Variants in CDH17 observed in about 807,000 individuals in gnomAD.
CDH17 encodes the protein cadherin 17.
In CDH17, 67 loss-of-function variants were observed where a neutral mutation model predicts 86.3. The observed-to-expected ratio is 0.78, with a 90% confidence interval of 0.64 to 0.95. CDH17 has a LOEUF of 0.95. Among genes scored for constraint, CDH17 ranks in the 40% least tolerant of loss-of-function variants. CDH17 has a pLI of 0.00. For missense variants in CDH17, 993 were observed against 1,017.6 expected (o/e 0.98, Z 0.33); for synonymous variants, 367 against 366.4 (o/e 1.00, Z -0.02).
intron 12 of CDH17, among the ~76,000 whole-genome samples, chr8:94,153,057 A>AC (rs1586245467): frequency 6.6e-6 from 1 of 152,238 alleles, no homozygotes; most frequent in East Asian, 1.9e-4. Context: ...AGAAGCTTCT[A>AC]CATAGCAAAG....
intron 2 of CDH17, 52 bp downstream of exon 2, chr8:94,194,583 T>G (rs867079648): frequency 1.7e-6 from 2 of 1,209,372 alleles, no homozygotes; most frequent in South Asian, 1.3e-5. Context: ...GGTAGAAAGA[T>G]AGCAGAAAAT....
At chr8:94,170,606 G>T in intron 8 of CDH17, 59 bp from the exon 9 acceptor site, 1 of 1,552,990 alleles carries the variant, frequency 6.4e-7, no homozygotes. Flanking sequence ...GTCAAAAGCA[G>T]AGAAAATCGT....
intron 1 of CDH17, among the ~76,000 whole-genome samples, chr8:94,197,723 T>A (rs1474381609): frequency 6.6e-6 from 1 of 151,294 alleles, no homozygotes; most frequent in Non-Finnish European, 1.5e-5. Flanking sequence ...CCCAGCTACT[T>A]GGGAGGCTGA....
At chr8:94,169,655 T>C (rs1054873378) in intron 9 of CDH17, among the ~76,000 whole-genome samples, 3 of 152,118 alleles carry the variant, frequency 2.0e-5, no homozygotes, top group Non-Finnish European at 4.4e-5. Context: ...AACAAAACAG[T>C]TCAAGAAATG....
At chr8:94,211,514 T>G (rs1000150846), upstream of CDH17, among the ~76,000 whole-genome samples, 5 of 152,138 alleles carry the variant, frequency 3.3e-5, no homozygotes, top group Non-Finnish European at 7.4e-5. Flanking sequence ...GGTTTAACCA[T>G]GTTGGCCAGT....
rs79278977 is a variant in CDH17, at chr8:94,215,352, C to T, written c.-21+1846G>A. Among the ~76,000 whole-genome samples the T allele has an allele frequency of 9.7e-3, 1,478 of 152,104 alleles. 10 individuals are homozygous for T. Among genetic ancestry groups the T allele is most frequent in the Non-Finnish European group, 0.016 (1,079 of 67,998 alleles). On this transcript the variant is annotated intron_variant, in intron 1 of 17. Transcript: ENST00000450165. ...GAAATACTGATACTACAAGACTAAA[C>T]CTTGAAAACATTATGCTTAGTGAAA...
intron 1 of CDH17, among the ~76,000 whole-genome samples, chr8:94,216,563 GTTTT>G (rs368207788): frequency 7.0e-6 from 1 of 142,028 alleles, no homozygotes; most frequent in Non-Finnish European, 1.5e-5. Flanking sequence ...CAGAGGGTTT[GTTTT>G]TTTTTTTTTT....
At position 94,162,170 on chromosome 8, in the gene CDH17, C is replaced by T; in HGVS notation, c.1283-8G>A. The T allele has an allele frequency of 1.3e-6, 2 of 1,575,562 alleles. No homozygotes were observed. The highest frequency in any genetic ancestry group is 2.2e-5 in the East Asian group (1 of 44,582). On this transcript the variant is annotated splice_polypyrimidine_tract_variant and splice_region_variant and intron_variant, in intron 10 of 17. Coordinates refer to ENST00000027335, the MANE Select transcript of CDH17 (RefSeq NM_004063.4). ...AACAAAGGGTCTTGAAATCTGAAAA[C>T]CAAAGTCATATGTCATAGAAATTTT...
intron 1 of CDH17, among the ~76,000 whole-genome samples, chr8:94,199,438 C>G (rs1320655221): frequency 6.6e-6 from 1 of 150,750 alleles, no homozygotes; most frequent in Non-Finnish European, 1.5e-5. Context: ...ACTGGTCGAA[C>G]TAGATCATCT....
At chr8:94,204,299 G>A (rs934635894) in intron 1 of CDH17, among the ~76,000 whole-genome samples, 16 of 151,870 alleles carry the variant, frequency 1.1e-4, no homozygotes, top group Admixed American at 5.3e-4. Flanking sequence ...CTCTCCCTCC[G>A]CTTGCCTCCC....
chr8:94,143,258 A>T (rs1407635848), intron 15 of CDH17, among the ~76,000 whole-genome samples: 2 of 152,198 alleles, frequency 1.3e-5, no homozygotes, highest in African/African-American at 4.8e-5. Flanking sequence ...TGCATTGTCA[A>T]TGAGCAGTAA....
At chr8:94,143,785 T>C (rs1273325256) in intron 15 of CDH17, among the ~76,000 whole-genome samples, 1 of 152,260 alleles carries the variant, frequency 6.6e-6, no homozygotes, top group Non-Finnish European at 1.5e-5. Context: ...TGTCAGCCTT[T>C]ACAGAATTGA....
intron 3 of CDH17, 22 bp downstream of exon 3, chr8:94,189,165 A>G: frequency 6.6e-7 from 1 of 1,523,696 alleles, no homozygotes. Flanking sequence ...TCAAGAGGAC[A>G]GTGATCAAGG....
chr8:94,189,360 C>A, intron 2 of CDH17, 75 bp from the exon 3 acceptor site: 2 of 1,005,438 alleles, frequency 2.0e-6, no homozygotes, highest in Non-Finnish European at 3.0e-6. Context: ...TTAGGGCTTC[C>A]AGCACCAATA....
intron 2 of CDH17, 107 bp downstream of exon 2, chr8:94,194,528 G>T (rs1053278206): frequency 2.6e-5 from 20 of 757,516 alleles, no homozygotes; most frequent in African/African-American, 2.0e-4. Flanking sequence ...ATTTTGATAG[G>T]TCATCTTTTT....
At chr8:94,152,749 C>T (rs1179200076) in intron 12 of CDH17, among the ~76,000 whole-genome samples, 1 of 152,144 alleles carries the variant, frequency 6.6e-6, no homozygotes, top group African/African-American at 2.4e-5. Context: ...AGCCTAAGAA[C>T]ATGGCACCAG....
intron 1 of CDH17, among the ~76,000 whole-genome samples, chr8:94,195,947 A>T (rs1184312399): frequency 6.6e-6 from 1 of 151,672 alleles, no homozygotes; most frequent in Non-Finnish European, 1.5e-5. Context: ...TTTTTAGTAG[A>T]GATGGGGTTT....
intron 15 of CDH17, among the ~76,000 whole-genome samples, chr8:94,135,457 T>A (rs978599406): frequency 6.6e-6 from 1 of 152,236 alleles, no homozygotes; most frequent in Non-Finnish European, 1.5e-5. Context: ...AAAGTCTGTT[T>A]TATCAGAGAC....
chr8:94,153,772 T>G (rs1009672232), intron 12 of CDH17, among the ~76,000 whole-genome samples: 2 of 152,118 alleles, frequency 1.3e-5, no homozygotes, highest in African/African-American at 4.8e-5. Flanking sequence ...CTAGAAGATA[T>G]TACGGTAAGT....
Sources: gnomAD v4.1 joint callset for allele counts (sites outside exome capture counted in the v4.1 genomes callset) on GRCh38, gnomAD v4.1.1 for gene constraint, MANE v1.5 for transcripts, NCBI Gene and HGNC (gene_info 2026-07-23, HGNC 2026-07-21) for gene names.